The following GRM3 variants were observed in gnomAD, a reference collection of about 807,000 sequenced individuals.
GRM3 encodes the protein metabotropic glutamate receptor 3.
In GRM3, 26 loss-of-function variants were observed where a neutral mutation model predicts 70.5. The observed-to-expected ratio is 0.37, with a 90% CI of 0.27 to 0.51. The LOEUF (loss-of-function observed/expected upper bound fraction) is 0.51. Among genes scored for constraint, GRM3 ranks in the 20% least tolerant of loss-of-function variants. GRM3 has a pLI of 0.93. For synonymous variants in GRM3, 443 were observed against 434.9 expected, an observed-to-expected ratio of 1.02 and a Z score of -0.23; for missense variants, 859 against 1,123.8, an observed-to-expected ratio of 0.76 and a Z score of 3.37.
chr7:86,808,190 A>G (rs974855192), intron 3 of GRM3, among the ~76,000 whole-genome samples: 1 of 152,082 alleles, frequency 6.6e-6, no homozygotes, highest in African/African-American at 2.4e-5. Flanking sequence ...CATCAGGGAT[A>G]TTGGTCTAAA....
chr7:86,765,213 T>C lies in GRM3; in HGVS notation c.68T>C (p.Leu23Ser), dbSNP rs1796570890. ...TTTTCAAAGGGATTTTTACTCTCTT[T>C]AGGGGACCATAACTTTCTAAGGAGA... ...ALFSKGFLLS[L>S]GDHNFLRREI... The change falls in exon 2 of 6, where the codon TTA (leucine) becomes TCA (serine). Residue 23 changes from leucine (L) to serine (S), a missense_variant. Transcript: ENST00000361669. The C allele has an allele frequency of 1.2e-6, 2 of 1,613,186 alleles. No homozygotes were observed. Among genetic ancestry groups the C allele is most frequent in the Non-Finnish European group, 1.7e-6 (2 of 1,179,666 alleles).
At chr7:86,831,387 C>T (rs997352793) in intron 3 of GRM3, among the ~76,000 whole-genome samples, 1 of 151,872 alleles carries the variant, frequency 6.6e-6, no homozygotes, top group African/African-American at 2.4e-5. Flanking sequence ...GAGAAAAAAG[C>T]AGTACACTGT....
rs553389947 is a variant in GRM3, at chr7:86,785,800, G to A, written c.469-461G>A. Among the ~76,000 whole-genome samples, 7 of 138,574 alleles carry A rather than the reference G, an allele frequency of 5.1e-5. No individual in the cohort carries two copies. The South Asian group carries it at 1.1e-3, about 22-fold the overall frequency. 90.9% of individuals were successfully genotyped at this position (138,574 alleles called of 152,430 possible). A position where few individuals can be genotyped will look rare whatever the true frequency, so the allele number is the denominator to read the frequency against. The stretch of plus-strand genomic sequence containing the variant: ...AAATTAAACTCTTTCAGAGACTGCC[G>A]TTTTTAGCAAAAGAGGGGGAAGTGA... On this transcript the variant is annotated intron_variant, in intron 2 of 5. Coordinates refer to ENST00000361669, the MANE Select transcript of GRM3 (RefSeq NM_000840.3).
At chr7:86,830,103 A>G (rs1030479114) in intron 3 of GRM3, among the ~76,000 whole-genome samples, 1 of 152,148 alleles carries the variant, frequency 6.6e-6, no homozygotes, top group African/African-American at 2.4e-5. Context: ...TGGCTTCTCA[A>G]TAGAAGTATC....
At position 86,657,939 on chromosome 7, in the gene GRM3, T is replaced by C. The variant is rs560863184; in HGVS notation, c.-141+13067T>C. Among the ~76,000 whole-genome samples, 524 of 152,354 alleles carry C rather than the reference T, an allele frequency of 3.4e-3. 4 individuals carry two copies. The highest frequency in any genetic ancestry group is 0.017 in the Middle Eastern group (5 of 294). Reference sequence around the variant, plus strand: ...ATGCTGCATAAAATCCTTAGTTTAATAATGGAAAATGTGGGAGTTGTCTTT... The same window carrying C: ...ATGCTGCATAAAATCCTTAGTTTAACAATGGAAAATGTGGGAGTTGTCTTT... On this transcript the variant is annotated intron_variant, in intron 1 of 5. Transcript: ENST00000361669.
intron 1 of GRM3, among the ~76,000 whole-genome samples, chr7:86,707,364 G>A (rs117293386): frequency 0.039 from 5,991 of 152,164 alleles, 185 homozygotes; most frequent in Non-Finnish European, 0.057. Flanking sequence ...AAAATGAGGC[G>A]AATAATGATA....
chr7:86,812,383 T>C (rs1360626635), intron 3 of GRM3, among the ~76,000 whole-genome samples: 1 of 151,676 alleles, frequency 6.6e-6, no homozygotes, highest in Admixed American at 6.6e-5. Context: ...GCTTGTGCAT[T>C]AAGAGACAAG....
At chr7:86,691,791 C>T (rs1032999633) in intron 1 of GRM3, among the ~76,000 whole-genome samples, 1 of 152,294 alleles carries the variant, frequency 6.6e-6, no homozygotes, top group African/African-American at 2.4e-5. Flanking sequence ...AGCAAGAAGA[C>T]CCTTGTCAGA....
intron 1 of GRM3, among the ~76,000 whole-genome samples, chr7:86,735,809 G>A (rs1405527631): frequency 5.9e-5 from 9 of 152,046 alleles, no homozygotes; most frequent in African/African-American, 9.7e-5. Flanking sequence ...TTCAATATTC[G>A]CATTATTACT....
At chr7:86,780,123 T>A (rs188571968) in intron 2 of GRM3, among the ~76,000 whole-genome samples, 1 of 152,304 alleles carries the variant, frequency 6.6e-6, no homozygotes, top group East Asian at 1.9e-4. Context: ...CAGTCTATCA[T>A]TGTTGGACAT....
At chr7:86,696,199 C>T (rs1049128966) in intron 1 of GRM3, among the ~76,000 whole-genome samples, 3 of 152,182 alleles carry the variant, frequency 2.0e-5, no homozygotes, top group Admixed American at 1.3e-4. Context: ...CCATAATCTG[C>T]AATTGTTACC....
intron 1 of GRM3, among the ~76,000 whole-genome samples, chr7:86,726,612 C>T (rs948861878): frequency 6.6e-6 from 1 of 152,136 alleles, no homozygotes; most frequent in African/African-American, 2.4e-5. Flanking sequence ...TTTAAACAGC[C>T]TATTTCCATT....
At chr7:86,857,815 T>C (rs1207948195) in intron 5 of GRM3, among the ~76,000 whole-genome samples, 1 of 152,160 alleles carries the variant, frequency 6.6e-6, no homozygotes, top group Non-Finnish European at 1.5e-5. Context: ...GTGAAAAGAA[T>C]GCAGGATTGG....
At chr7:86,795,829 T>C (rs748193297) in intron 3 of GRM3, among the ~76,000 whole-genome samples, 25 of 152,348 alleles carry the variant, frequency 1.6e-4, no homozygotes, top group Non-Finnish European at 2.8e-4. Context: ...CACACTGTCT[T>C]CCACAATGGT....
chr7:86,729,148 T>G (rs377309574), intron 1 of GRM3, among the ~76,000 whole-genome samples: 105 of 152,336 alleles, frequency 6.9e-4, no homozygotes, highest in African/African-American at 2.4e-3. Context: ...TGAAGAATGC[T>G]GATGACCCTT....
intron 1 of GRM3, among the ~76,000 whole-genome samples, chr7:86,671,808 C>A (rs1395261075): frequency 4.6e-5 from 7 of 152,148 alleles, no homozygotes; most frequent in Non-Finnish European, 8.8e-5. Context: ...TAAATTTTAT[C>A]CTGAATTATC....
intron 1 of GRM3, among the ~76,000 whole-genome samples, chr7:86,751,163 A>G (rs1796221728): frequency 6.6e-6 from 1 of 152,104 alleles, no homozygotes; most frequent in African/African-American, 2.4e-5. Flanking sequence ...TGGAAAGAGC[A>G]GTAGTAATCC....
rs891435292 is a variant in GRM3 at position 86,838,907 on chromosome 7, C to T, written c.1393C>T (p.Arg465Ter). 6.2e-7 allele frequency: 1 copy of T among 1,613,042 alleles called. No individual in the cohort carries two copies. The highest frequency in any genetic ancestry group is 8.5e-7 in the Non-Finnish European group (1 of 1,179,248). The part of the protein sequence containing the change: ...KFDTFGDGMG[R>*]YNVFNFQNVG... Reference sequence around the variant, plus strand: ...TGACACTTTTGGAGATGGAATGGGGCGATACAACGTGTTCAATTTCCAAAA... The same window carrying T: ...TGACACTTTTGGAGATGGAATGGGGTGATACAACGTGTTCAATTTCCAAAA... Residue 465 changes from arginine to a stop codon, truncating the protein, a stop_gained, in exon 4 of 6, where the codon CGA becomes TGA. Coordinates refer to ENST00000361669, the MANE Select transcript of GRM3 (RefSeq NM_000840.3). LOFTEE classifies it high-confidence loss of function.
At chr7:86,767,518 TA>T (rs1796631813) in intron 2 of GRM3, among the ~76,000 whole-genome samples, 1 of 4,060 alleles carries the variant, frequency 2.5e-4, no homozygotes. Context: ...ATACTTCATA[TA>T]TATATATATA....
Sources: gnomAD v4.1 joint callset for allele counts (sites outside exome capture counted in the v4.1 genomes callset) on GRCh38, gnomAD v4.1.1 for gene constraint, MANE v1.5 for transcripts, NCBI Gene and HGNC (gene_info 2026-07-23, HGNC 2026-07-21) for gene names.